The following CACNA1C variants were observed in gnomAD, a reference collection of about 807,000 sequenced individuals.
CACNA1C encodes calcium voltage-gated channel subunit alpha1 C.
A neutral mutation model predicts 229.0 loss-of-function variants in CACNA1C; 30 were observed. The observed-to-expected ratio is 0.13, with a 90% CI of 0.10 to 0.18. The LOEUF (loss-of-function observed/expected upper bound fraction) is 0.18. Among genes scored for constraint, CACNA1C ranks in the 10% least tolerant of loss-of-function variants. The probability of loss-of-function intolerance (pLI) is 1.00; values close to 1 mark genes in which losing one functional copy is unlikely to be tolerated. For synonymous variants in CACNA1C, 1,114 were observed against 1,132.5 expected (o/e 0.98, Z 0.33); for missense variants, 1,658 against 2,845.0 (o/e 0.58, Z 9.49).
chr12:2,338,202 A>G lies in CACNA1C; in HGVS notation c.478-110774A>G, dbSNP rs140714039. On this transcript the variant is annotated intron_variant, in intron 3 of 46. Coordinates refer to ENST00000399655, the MANE Select transcript of CACNA1C (RefSeq NM_000719.7). ...GGAGAGGGCAACTCGTTTTTTAACT[A>G]TTGACCCCTCCTTGATGTCTGGCAA... is the stretch of plus-strand genomic sequence containing the variant. 3.7e-4 allele frequency among the ~76,000 whole-genome samples: 57 copies of G among 152,276 alleles called. 1 individual carries two copies. In the East Asian group the frequency reaches 5.6e-3, roughly 15 times the overall value.
chr12:2,192,238 C>G (rs2097261161), intron 3 of CACNA1C, among the ~76,000 whole-genome samples: 1 of 152,232 alleles, frequency 6.6e-6, no homozygotes, highest in Non-Finnish European at 1.5e-5. Flanking sequence ...TCCCCTCAGG[C>G]CTTTTTGCCA....
intron 4 of CACNA1C, among the ~76,000 whole-genome samples, chr12:2,456,839 G>C (rs906144976): frequency 6.6e-6 from 1 of 152,216 alleles, no homozygotes; most frequent in Non-Finnish European, 1.5e-5. Flanking sequence ...CTGCTAGAAT[G>C]CAAGTTCCAT....
intron 29 of CACNA1C, among the ~76,000 whole-genome samples, chr12:2,618,375 G>A (rs1011228465): frequency 6.6e-6 from 1 of 152,210 alleles, no homozygotes; most frequent in Non-Finnish European, 1.5e-5. Flanking sequence ...GCAAGTGGAC[G>A]GCACACCAAA....
At chr12:2,341,552 AGGCAGCCTCCCGC>A (rs2096864288) in intron 3 of CACNA1C, among the ~76,000 whole-genome samples, 1 of 152,168 alleles carries the variant, frequency 6.6e-6, no homozygotes. Context: ...CACACCTGAG[AGGCAGCCTCCCGC>A]GGAGCCCTGC....
chr12:2,164,722 C>T (rs918607416), intron 3 of CACNA1C, among the ~76,000 whole-genome samples: 1 of 152,212 alleles, frequency 6.6e-6, no homozygotes, highest in Non-Finnish European at 1.5e-5. Flanking sequence ...AGTCTTAGCC[C>T]TACCACTTAA....
intron 25 of CACNA1C, 84 bp from the exon 26 acceptor site, chr12:2,606,900 C>G: frequency 6.7e-7 from 1 of 1,491,158 alleles, no homozygotes; most frequent in Non-Finnish European, 9.2e-7. Flanking sequence ...AGTCCCATCC[C>G]ACCCAGCATT....
intron 9 of CACNA1C, among the ~76,000 whole-genome samples, chr12:2,541,755 C>G (rs983959884): frequency 3.3e-5 from 5 of 152,262 alleles, no homozygotes; most frequent in Non-Finnish European, 7.3e-5. Context: ...AGGCCAGCCA[C>G]TCCTGCTGAC....
intron 9 of CACNA1C, among the ~76,000 whole-genome samples, chr12:2,524,574 C>T (rs183480325): frequency 3.9e-5 from 6 of 152,356 alleles, no homozygotes; most frequent in South Asian, 2.1e-4. Flanking sequence ...TTTCACCCCA[C>T]GGTGGAGTGT....
chr12:2,696,686 G>T lies in CACNA1C; in HGVS notation c.*5487G>T, dbSNP rs1208138037. 6.6e-6 allele frequency: 1 copy of T among 151,996 alleles called. No homozygotes were observed. Among genetic ancestry groups the T allele is most frequent in the Non-Finnish European group, 1.5e-5 (1 of 68,002 alleles). 9.4% of individuals were successfully genotyped at this position (151,996 alleles called of 1,614,324 possible). The stretch of plus-strand genomic sequence containing the variant: ...TTTCTATGTGAGGAAATGCAGAAAT[G>T]GACAGAATGATTCTTATTCACTGTT... On this transcript the variant is annotated 3_prime_UTR_variant, in exon 47 of 47. Transcript: ENST00000399655.
chr12:2,170,099 T>C (rs2096414096), intron 3 of CACNA1C, among the ~76,000 whole-genome samples: 1 of 152,162 alleles, frequency 6.6e-6, no homozygotes, highest in Non-Finnish European at 1.5e-5. Flanking sequence ...GTTTGGCTCA[T>C]AGTAGATGCT....
rs2069305489 is a variant in CACNA1C at position 2,597,968 on chromosome 12, A to T, written c.2853+679A>T. Among the ~76,000 whole-genome samples the T allele has an allele frequency of 6.6e-6, 1 of 152,250 alleles. No homozygotes were observed. Among genetic ancestry groups the T allele is most frequent in the Non-Finnish European group, 1.5e-5 (1 of 68,042 alleles). On this transcript the variant is annotated intron_variant, in intron 21 of 46. Coordinates refer to ENST00000399655, the MANE Select transcript of CACNA1C (RefSeq NM_000719.7). The surrounding 1 kb of genome is among the most constrained non-coding windows in gnomAD (Gnocchi z 4.3). ...CTACTCTCTTTGGATGCCCATCCTT[A>T]GCACCTTCCTCAGTACTTGCAGCAG...
Position 2,677,498 on chromosome 12 carries a change from C to G in CACNA1C, c.4957-235C>G. ...CTGAGGCTCCCGTGACAGCCCCTGA[C>G]CCCTGGTGCCCCGTCCTAATGAGCC... On this transcript the variant is annotated intron_variant, in intron 40 of 46. Coordinates refer to ENST00000399655, the MANE Select transcript of CACNA1C (RefSeq NM_000719.7). The surrounding 1 kb of genome is among the most constrained non-coding windows in gnomAD (Gnocchi z 7.4). 1 of 615,936 alleles carries G rather than the reference C, an allele frequency of 1.6e-6. No individual in the cohort carries two copies. Among genetic ancestry groups the G allele is most frequent in the Non-Finnish European group, 2.8e-6 (1 of 353,958 alleles). 38.2% of individuals were successfully genotyped at this position (615,936 alleles called of 1,614,324 possible).
chr12:2,002,469 A>C (rs2042395485), intron 1 of CACNA1C, among the ~76,000 whole-genome samples: 1 of 152,242 alleles, frequency 6.6e-6, no homozygotes, highest in Admixed American at 6.5e-5. Flanking sequence ...ATATCCAGCA[A>C]GCAGGAAAAC....
intron 13 of CACNA1C, among the ~76,000 whole-genome samples, chr12:2,572,363 T>C (rs2055359231): frequency 3.2e-5 from 1 of 31,220 alleles, no homozygotes. Flanking sequence ...CCTCTCCTCC[T>C]CCTTCTCCTC....
intron 1 of CACNA1C, among the ~76,000 whole-genome samples, chr12:2,076,763 C>T (rs993847999): frequency 1.5e-4 from 23 of 152,152 alleles, no homozygotes; most frequent in African/African-American, 5.6e-4. Context: ...TTAAAATGAG[C>T]CCCTGCTTTA....
Position 2,092,818 on chromosome 12 carries a change from G to A in CACNA1C, c.50-22406G>A, listed in dbSNP as rs561127111. Reference sequence around the variant, plus strand: ...AAGTTAACTTAGCAAAGATCACATGGTCAACAAGTGGAGAGCTGAGACTCA... The same window carrying A: ...AAGTTAACTTAGCAAAGATCACATGATCAACAAGTGGAGAGCTGAGACTCA... On this transcript the variant is annotated intron_variant, in intron 1 of 46. Transcript: ENST00000399655. 3.9e-5 allele frequency among the ~76,000 whole-genome samples: 6 copies of A among 152,340 alleles called. No homozygotes were observed. The South Asian group carries it at 1.2e-3, about 32-fold the overall frequency.
chr12:1,979,156 G>GT (rs2035348846), intron 1 of CACNA1C, among the ~76,000 whole-genome samples: 1 of 152,142 alleles, frequency 6.6e-6, no homozygotes. Context: ...GGGATTACAC[G>GT]TGCCCGCCAT....
intron 1 of CACNA1C, among the ~76,000 whole-genome samples, chr12:2,004,972 AC>A (rs149400539): frequency 0.4 from 57,880 of 146,266 alleles, 11,833 homozygotes; most frequent in African/African-American, 0.55. Flanking sequence ...CAAAAAAAAA[AC>A]AAAACCTTTT....
intron 7 of CACNA1C, among the ~76,000 whole-genome samples, chr12:2,494,523 C>T (rs776827165): frequency 6.6e-6 from 1 of 152,142 alleles, no homozygotes; most frequent in Non-Finnish European, 1.5e-5. Context: ...ATTTGGCCAT[C>T]GTGAAAACAA....
Sources: allele counts gnomAD v4.1 joint callset (sites outside exome capture counted in the v4.1 genomes callset), GRCh38; gene constraint gnomAD v4.1.1; non-coding constraint Gnocchi (gnomAD v3.1); transcripts MANE v1.5; gene names NCBI Gene and HGNC (gene_info 2026-07-23, HGNC 2026-07-21).